CFAP126: variants seen among roughly 807,000 people sequenced by gnomAD.
The protein encoded by CFAP126 is protein Flattop.
In CFAP126, 21 loss-of-function variants were observed where a neutral mutation model predicts 17.1. The observed-to-expected ratio is 1.23, with a 90% CI of 0.87 to 1.77. CFAP126 has a LOEUF of 1.77. Ranked by LOEUF, CFAP126 falls within the 40% of genes most tolerant of loss-of-function variation. The pLI, the probability that CFAP126 is intolerant of heterozygous loss-of-function variation, is 0.00. For synonymous variants in CFAP126, 65 were observed against 73.5 expected, an observed-to-expected ratio of 0.88 and a Z score of 0.59; for missense variants, 174 against 215.4, an observed-to-expected ratio of 0.81 and a Z score of 1.20.
intron 3 of CFAP126, chr1:161,365,941 G>C (rs1672714524): frequency 1.7e-6 from 1 of 604,438 alleles, no homozygotes; most frequent in East Asian, 2.8e-5. Flanking sequence ...TGGCAAAGGA[G>C]TACCCACTGC....
Position 161,366,266 on chromosome 1 carries a change from G to A in CFAP126, c.103C>T (p.His35Tyr). 1 of 1,613,646 alleles carries A rather than the reference G, an allele frequency of 6.2e-7. No homozygotes were observed. Among genetic ancestry groups the A allele is most frequent in the African/African-American group, 1.3e-5 (1 of 75,030 alleles). ...TKPTKESISS[H>Y]EGYTQIIAND... ...GCAATAATTTGAGTGTAGCCTTCAT[G>A]AGAAGAGATGCTCTGGGGTACAAGT... Residue 35 changes from histidine to tyrosine, a missense_variant, in exon 3 of 5, where the codon CAT becomes TAT. Coordinates refer to ENST00000367974, the MANE Select transcript of CFAP126 (RefSeq NM_001013625.4).
At position 161,365,589 on chromosome 1, in the gene CFAP126, C is replaced by T; in HGVS notation, c.285G>A (p.Trp95Ter). The T allele has an allele frequency of 6.2e-7, 1 of 1,614,132 alleles. No individual in the cohort carries two copies. The highest frequency in any genetic ancestry group is 8.5e-7 in the Non-Finnish European group (1 of 1,180,002). ...TGAGTAAATCAGGATTTTTCTGTAT[C>T]CATTTGGTGAGGGAGGCAGCACCAG... ...TTAGAASLTK[W>*]IQKNPDLLKA... The change falls in exon 4 of 5, where the codon TGG becomes TGA. Residue 95 changes from tryptophan (W) to a stop codon, truncating the protein, a stop_gained. Transcript: ENST00000367974. LOFTEE classifies it high-confidence loss of function.
rs769943590 is a variant in CFAP126, at chr1:161,365,496, G to C, written c.348+30C>G. 4 of 1,609,584 alleles carry C rather than the reference G, an allele frequency of 2.5e-6. No homozygotes were observed. In the South Asian group the frequency reaches 4.4e-5, roughly 18 times the overall value. On this transcript the variant is annotated intron_variant, in intron 4 of 4. Transcript: ENST00000367974. ...GGTTGAAAAGAAATTGAGACTACAGGGTTTTGGGTTAGATGGGAAGAATAG... is the reference window on the plus strand; with the variant it reads ...GGTTGAAAAGAAATTGAGACTACAGCGTTTTGGGTTAGATGGGAAGAATAG...
chr1:161,366,513 A>C lies in CFAP126; in HGVS notation c.28-12T>G. On this transcript the variant is annotated splice_polypyrimidine_tract_variant and intron_variant, in intron 1 of 4. Coordinates refer to ENST00000367974, the MANE Select transcript of CFAP126 (RefSeq NM_001013625.4). ...AAAGCCTTTTCATACTGTGGAGAGA[A>C]AGATAAGTAGCCCTATGAGACTTCA... The C allele has an allele frequency of 6.2e-7, 1 of 1,613,102 alleles. No individual in the cohort carries two copies. Among genetic ancestry groups the C allele is most frequent in the South Asian group, 1.1e-5 (1 of 91,064 alleles).
At chr1:161,367,681 G>A in intron 1 of CFAP126, 161 bp downstream of exon 1, 1 of 587,360 alleles carries the variant, frequency 1.7e-6, no homozygotes, top group Non-Finnish European at 2.9e-6. Context: ...GATACCTTTG[G>A]ATCGCCCCTG....
chr1:161,364,942 T>A lies in CFAP126; in HGVS notation c.*23A>T. 1 of 1,606,880 alleles carries A rather than the reference T, an allele frequency of 6.2e-7. No homozygotes were observed. Among genetic ancestry groups the A allele is most frequent in the East Asian group, 2.2e-5 (1 of 44,844 alleles). Reference sequence around the variant, plus strand: ...TTAGGCCCTGCCCAGAGTTCTAGCATACGTGGACTTCCAGGTGGGCTCTTA... The same window carrying A: ...TTAGGCCCTGCCCAGAGTTCTAGCAAACGTGGACTTCCAGGTGGGCTCTTA... On this transcript the variant is annotated 3_prime_UTR_variant, in exon 5 of 5. Coordinates refer to ENST00000367974, the MANE Select transcript of CFAP126 (RefSeq NM_001013625.4).
chr1:161,365,646 A>AG lies in CFAP126; in HGVS notation c.227dup (p.Ala77CysfsTer25). On this transcript the variant is annotated frameshift_variant, in exon 4 of 5. Coordinates refer to ENST00000367974, the MANE Select transcript of CFAP126 (RefSeq NM_001013625.4). LOFTEE classifies it high-confidence loss of function. ...TACGGGAGGTCAGGGTCACCCGAGC[A>AG]GGGGGTATCTTCAGAGGCATTTGCC... 6.2e-7 allele frequency: 1 copy of AG among 1,613,686 alleles called. No homozygotes were observed.
At chr1:161,366,158 T>G in intron 3 of CFAP126, 40 bp downstream of exon 3, 1 of 1,455,142 alleles carries the variant, frequency 6.9e-7, no homozygotes, top group Non-Finnish European at 9.7e-7. Flanking sequence ...TGTGCCTTAA[T>G]TATTTGACTT....
At chr1:161,366,680 C>T (rs779926601) in intron 1 of CFAP126, 179 bp from the exon 2 acceptor site, 21 of 618,976 alleles carry the variant, frequency 3.4e-5, no homozygotes, top group Admixed American at 1.4e-4. Flanking sequence ...AGCATGGAGC[C>T]GGGAGCCACA....
chr1:161,365,565 G>T lies in CFAP126; in HGVS notation c.309C>A (p.Leu103=). ...CAGGACACAGCCCATTGGAGGCCTT[G>T]AGTAAATCAGGATTTTTCTGTATCC... ...TKWIQKNPDL[L]KASNGLCPEI... is the part of the protein sequence containing the mutation. The change falls in exon 4 of 5, where the codon CTC becomes CTA. Residue 103 remains leucine (L), a synonymous_variant. Coordinates refer to ENST00000367974, the MANE Select transcript of CFAP126 (RefSeq NM_001013625.4). 1 of 1,614,224 alleles carries T rather than the reference G, an allele frequency of 6.2e-7. No individual in the cohort carries two copies. Among genetic ancestry groups the T allele is most frequent in the Admixed American group, 1.7e-5 (1 of 60,030 alleles).
intron 3 of CFAP126, 93 bp downstream of exon 3, chr1:161,366,105 T>C (rs1416441936): frequency 9.1e-7 from 1 of 1,103,414 alleles, no homozygotes; most frequent in African/African-American, 1.5e-5. Flanking sequence ...TAAACTTTAA[T>C]TTTCCCGATA....
In CFAP126 at chr1:161,365,647, G is replaced by A; in HGVS notation, c.227C>T (p.Pro76Leu). 6.2e-7 allele frequency: 1 copy of A among 1,613,568 alleles called. No homozygotes were observed. The highest frequency in any genetic ancestry group is 8.5e-7 in the Non-Finnish European group (1 of 1,179,732). ...GTWQMPLKIP[P>L]ARVTLTSRTT... ...ACGGGAGGTCAGGGTCACCCGAGCA[G>A]GGGGTATCTTCAGAGGCATTTGCCA... Residue 76 changes from proline to leucine, a missense_variant, in exon 4 of 5, where the codon CCT (proline) becomes CTT (leucine). Coordinates refer to ENST00000367974, the MANE Select transcript of CFAP126 (RefSeq NM_001013625.4).
intron 1 of CFAP126, chr1:161,367,279 T>A (rs1438379038): frequency 6.6e-6 from 1 of 152,406 alleles, no homozygotes; most frequent in African/African-American, 2.4e-5. Context: ...AGCACTGGTC[T>A]AGATCAGGAG....
Position 161,365,448 on chromosome 1 carries a change from G to A in CFAP126, c.348+78C>T, listed in dbSNP as rs1571903588. The stretch of plus-strand genomic sequence containing the variant: ...GGTCCCCCATGCTGGGATAGTGGTG[G>A]CATAACAATAGACATTTTTTGAGGT... On this transcript the variant is annotated intron_variant, in intron 4 of 4. Transcript: ENST00000367974. 2.6e-6 allele frequency: 4 copies of A among 1,512,526 alleles called. No homozygotes were observed. The East Asian group carries it at 6.8e-5, about 26-fold the overall frequency. 93.7% of individuals were successfully genotyped at this position (1,512,526 alleles called of 1,614,324 possible).
At position 161,367,702 on chromosome 1, in the gene CFAP126, A is replaced by G. The variant is rs572972517; in HGVS notation, c.27+140T>C. The G allele has an allele frequency of 8.4e-5, 69 of 817,520 alleles. 2 individuals are homozygous for G. Among genetic ancestry groups the G allele is most frequent in the South Asian group, 1.7e-4 (10 of 60,154 alleles). The allele number at this position is 817,520 out of a possible 1,614,324, so 50.6% of individuals were successfully genotyped here. A position where few individuals can be genotyped will look rare whatever the true frequency, so the allele number is the denominator to read the frequency against. ...TTTGGATCGCCCCTGGGCTCTCTCT[A>G]TCCCTGAGGAGGTAAAATATTATCT... is the stretch of plus-strand genomic sequence containing the variant. On this transcript the variant is annotated intron_variant, in intron 1 of 4. Coordinates refer to ENST00000367974, the MANE Select transcript of CFAP126 (RefSeq NM_001013625.4).
intron 4 of CFAP126, 168 bp downstream of exon 4, chr1:161,365,358 T>C (rs1672691880): frequency 1.1e-6 from 1 of 939,934 alleles, no homozygotes. Flanking sequence ...ATGATGTCCT[T>C]AGCCCATCCC....
intron 2 of CFAP126, 67 bp from the exon 3 acceptor site, chr1:161,366,345 C>T (rs1672729764): frequency 6.4e-6 from 10 of 1,571,662 alleles, no homozygotes; most frequent in Non-Finnish European, 8.8e-6. Flanking sequence ...GGAGCTTGGT[C>T]AGAGAAGGAT....
chr1:161,365,087 C>G lies in CFAP126; in HGVS notation c.412G>C (p.Ala138Pro). ...CTTGGAATTATGGTTGGACTTCGTG[C>G]TTGTTGTACAGTCTTTGTGATAGAC... is the stretch of plus-strand genomic sequence containing the variant. ...KKSITKTVQQ[A>P]RSPTIIPSSP... The change falls in exon 5 of 5, where the codon GCA becomes CCA. Residue 138 changes from alanine to proline, a missense_variant. Coordinates refer to ENST00000367974, the MANE Select transcript of CFAP126 (RefSeq NM_001013625.4). 3.1e-6 allele frequency: 5 copies of G among 1,614,072 alleles called. No individual in the cohort carries two copies. Among genetic ancestry groups the G allele is most frequent in the Non-Finnish European group, 4.2e-6 (5 of 1,179,988 alleles).
intron 1 of CFAP126, chr1:161,367,637 A>T (rs537859182): frequency 4.7e-6 from 2 of 429,952 alleles, no homozygotes; most frequent in Admixed American, 4.3e-5. Context: ...AAAATTGCCA[A>T]CTTCTGGTTT....
Sources: allele counts gnomAD v4.1 joint callset, GRCh38; gene constraint gnomAD v4.1.1; transcripts MANE v1.5; gene names NCBI Gene and HGNC (gene_info 2026-07-23, HGNC 2026-07-21).